The following MCTP2 variants were observed in gnomAD, a reference collection of about 807,000 sequenced individuals.
MCTP2 encodes multiple C2 and transmembrane domain containing 2.
MCTP2 carries 132 observed loss-of-function variants against 111.6 expected under a neutral mutation model. The observed-to-expected ratio is 1.18, with a 90% confidence interval of 1.03 to 1.37. The LOEUF (loss-of-function observed/expected upper bound fraction) is 1.37. Among genes scored for constraint, MCTP2 ranks in the 40% most tolerant of loss-of-function variants. The pLI, the probability that MCTP2 is intolerant of heterozygous loss-of-function variation, is 0.00. For synonymous variants in MCTP2, 395 were observed against 387.7 expected (o/e 1.02, Z -0.22); for missense variants, 1,183 against 1,067.9 (o/e 1.11, Z -1.50).
intron 4 of MCTP2, among the ~76,000 whole-genome samples, chr15:94,317,437 C>T (rs927299296): frequency 6.6e-6 from 1 of 152,166 alleles, no homozygotes; most frequent in African/African-American, 2.4e-5. Flanking sequence ...TAAAGCTTTT[C>T]TCTCTGCATA....
At chr15:94,415,559 C>T (rs140179457) in intron 17 of MCTP2, among the ~76,000 whole-genome samples, 330 of 152,232 alleles carry the variant, frequency 2.2e-3, no homozygotes, top group African/African-American at 7.7e-3. Context: ...CCCCGTGCAG[C>T]ATTCTCCTTT....
intron 20 of MCTP2, among the ~76,000 whole-genome samples, chr15:94,460,496 G>A (rs1001336893): frequency 2.0e-5 from 3 of 152,180 alleles, no homozygotes; most frequent in Non-Finnish European, 2.9e-5. Flanking sequence ...AGTGAGGCAC[G>A]TATTGACAGC....
At chr15:94,435,629 C>CTTTTGTTTTTTTTTT (rs2083427745) in intron 17 of MCTP2, among the ~76,000 whole-genome samples, 1 of 117,922 alleles carries the variant, frequency 8.5e-6, no homozygotes, top group Non-Finnish European at 1.8e-5. Flanking sequence ...TTTTTTTATT[C>CTTTTGTTTTTTTTTT]TTTTTTTTTT....
At chr15:94,470,223 G>C (rs1596841684) in intron 20 of MCTP2, 110 bp from the exon 21 acceptor site, 8 of 804,872 alleles carry the variant, frequency 9.9e-6, no homozygotes, top group East Asian at 2.6e-5. Context: ...TTTTCCAATA[G>C]ACTGTAAAAA....
intron 12 of MCTP2, among the ~76,000 whole-genome samples, chr15:94,374,950 C>G (rs1306806529): frequency 6.6e-6 from 1 of 152,170 alleles, no homozygotes; most frequent in African/African-American, 2.4e-5. Context: ...TTTTATAGCA[C>G]AATCCCATTG....
intron 1 of MCTP2, among the ~76,000 whole-genome samples, chr15:94,271,656 T>G (rs1211577419): frequency 6.6e-6 from 1 of 152,232 alleles, no homozygotes. Context: ...AATATACTTA[T>G]TTGAAAGATA....
At chr15:94,299,732 C>A (rs910173042) in intron 2 of MCTP2, among the ~76,000 whole-genome samples, 4 of 152,184 alleles carry the variant, frequency 2.6e-5, no homozygotes, top group African/African-American at 9.7e-5. Context: ...GTTAGTGTTA[C>A]AATTGCCTAG....
chr15:94,405,279 T>C (rs79237475), intron 17 of MCTP2, among the ~76,000 whole-genome samples: 1 of 152,234 alleles, frequency 6.6e-6, no homozygotes, highest in Admixed American at 6.5e-5. Flanking sequence ...ATTAACTTTA[T>C]GTTCTAGACT....
intron 1 of MCTP2, among the ~76,000 whole-genome samples, chr15:94,271,374 C>T (rs539120984): frequency 1.3e-5 from 2 of 152,124 alleles, no homozygotes; most frequent in Admixed American, 6.5e-5. Flanking sequence ...CATGAGACTA[C>T]CTTAAGGGCA....
At chr15:94,318,763 A>T (rs991205007) in intron 4 of MCTP2, among the ~76,000 whole-genome samples, 1 of 152,218 alleles carries the variant, frequency 6.6e-6, no homozygotes, top group Admixed American at 6.5e-5. Context: ...TGATTAGATG[A>T]TGAAGCCGTT....
intron 1 of MCTP2, among the ~76,000 whole-genome samples, chr15:94,274,385 AAGGGTAT>A (rs1320284222): frequency 1.3e-5 from 2 of 152,180 alleles, no homozygotes; most frequent in African/African-American, 4.8e-5. Flanking sequence ...ATGAAACCCA[AAGGGTAT>A]AGGTGTAGCA....
chr15:94,448,226 G>T (rs1271773429), intron 19 of MCTP2, among the ~76,000 whole-genome samples: 1 of 152,172 alleles, frequency 6.6e-6, no homozygotes, highest in African/African-American at 2.4e-5. Flanking sequence ...AATAGTATCA[G>T]TCTGGCCTTC....
intron 1 of MCTP2, among the ~76,000 whole-genome samples, chr15:94,288,027 A>G (rs767133840): frequency 6.6e-6 from 1 of 152,202 alleles, no homozygotes; most frequent in Non-Finnish European, 1.5e-5. Flanking sequence ...AGTGGCAGCA[A>G]AAGCAGCTGG....
chr15:94,356,310 C>A lies in MCTP2; in HGVS notation c.1170+9C>A. 1 of 1,566,840 alleles carries A rather than the reference C, an allele frequency of 6.4e-7. No homozygotes were observed. The highest frequency in any genetic ancestry group is 8.6e-7 in the Non-Finnish European group (1 of 1,158,942). On this transcript the variant is annotated intron_variant, in intron 9 of 22. Transcript: ENST00000357742. ...AGAGGTATAAAAGTAAGGTAAGTTC[C>A]ATCTTTTCCATAAGGAGAACAGTAT...
chr15:94,325,492 G>A (rs1027111341), intron 4 of MCTP2, among the ~76,000 whole-genome samples: 1 of 151,980 alleles, frequency 6.6e-6, no homozygotes, highest in Non-Finnish European at 1.5e-5. Context: ...TGTACTTTTT[G>A]TGTATCTTTT....
intron 17 of MCTP2, among the ~76,000 whole-genome samples, chr15:94,409,814 C>T (rs2082071763): frequency 1.3e-5 from 2 of 151,848 alleles, no homozygotes; most frequent in African/African-American, 2.4e-5. Context: ...AATTTTCATA[C>T]TGAGCACTCG....
At chr15:94,379,761 A>AATATATGATATATAATAT (rs1231344477) in intron 12 of MCTP2, among the ~76,000 whole-genome samples, 183 of 145,262 alleles carry the variant, frequency 1.3e-3, no homozygotes, top group African/African-American at 4.1e-3. Flanking sequence ...TAATATATAT[A>AATATATGATATATAATAT]ATATATGATA....
At chr15:94,342,712 ATATCTC>A (rs2077719203) in intron 7 of MCTP2, 1 of 151,294 alleles carries the variant, frequency 6.6e-6, no homozygotes, top group African/African-American at 2.4e-5. Flanking sequence ...ACATACATAT[ATATCTC>A]TATATATGCA....
At chr15:94,470,506 A>G (rs1248544294) in intron 21 of MCTP2, 64 bp downstream of exon 21, 1 of 1,071,776 alleles carries the variant, frequency 9.3e-7, no homozygotes, top group African/African-American at 1.6e-5. Flanking sequence ...ACTCATTTTT[A>G]AAGTGCGACT....
Sources: gnomAD v4.1 joint callset for allele counts (sites outside exome capture counted in the v4.1 genomes callset) on GRCh38, gnomAD v4.1.1 for gene constraint, MANE v1.5 for transcripts, NCBI Gene and HGNC (gene_info 2026-07-23, HGNC 2026-07-21) for gene names.